The following ZC3H13 variants were observed in gnomAD, a reference collection of about 807,000 sequenced individuals.
ZC3H13 encodes the protein zinc finger CCCH domain-containing protein 13.
In ZC3H13, 64 loss-of-function variants were observed where a neutral mutation model predicts 204.1. That is an observed-to-expected ratio of 0.31 (90% CI 0.26 to 0.39). The LOEUF is 0.39. ZC3H13 is among the 10% of genes least tolerant of loss of function. ZC3H13 has a pLI of 1.00. For synonymous variants in ZC3H13, 667 were observed against 693.7 expected (o/e 0.96, Z 0.60); for missense variants, 1,833 against 2,082.7 (o/e 0.88, Z 2.33).
chr13:45,979,386 T>G (rs1037584296), intron 11 of ZC3H13, among the ~76,000 whole-genome samples: 7 of 149,096 alleles, frequency 4.7e-5, no homozygotes, highest in African/African-American at 1.3e-4. Context: ...TATCATTCAG[T>G]TTTTTTTTAC....
At position 46,044,950 on chromosome 13, in the gene ZC3H13, T is replaced by A. The variant is rs774372608; in HGVS notation, c.227+5A>T. The A allele has an allele frequency of 6.2e-7, 1 of 1,604,218 alleles. No homozygotes were observed. The highest frequency in any genetic ancestry group is 1.1e-5 in the South Asian group (1 of 89,560). On this transcript the variant is annotated splice_donor_5th_base_variant and intron_variant, in intron 3 of 18. Coordinates refer to ENST00000679008, the MANE Select transcript of ZC3H13 (RefSeq NM_001330564.2). The stretch of plus-strand genomic sequence containing the variant: ...TACATGAACAATACAAAGTTCTCAG[T>A]TTACCTTCTATAATTGCTGCTATAA...
intron 12 of ZC3H13, among the ~76,000 whole-genome samples, chr13:45,974,518 G>T (rs1318659180): frequency 6.6e-6 from 1 of 152,156 alleles, no homozygotes; most frequent in African/African-American, 2.4e-5. Context: ...GTTAAAAGGG[G>T]GTGAGGTGGG....
intron 9 of ZC3H13, among the ~76,000 whole-genome samples, chr13:45,986,135 C>T (rs1954169923): frequency 6.6e-6 from 1 of 152,216 alleles, no homozygotes; most frequent in Non-Finnish European, 1.5e-5. Flanking sequence ...TTAAGTTAGG[C>T]TAAACTAGAC....
chr13:45,995,484 C>T (rs151143496), intron 8 of ZC3H13, among the ~76,000 whole-genome samples: 1 of 152,292 alleles, frequency 6.6e-6, no homozygotes, highest in African/African-American at 2.4e-5. Context: ...ATTCTTAACA[C>T]AAGCCTTTCG....
Position 45,979,999 on chromosome 13 carries a change from G to A in ZC3H13, c.1726C>T (p.Arg576Ter), listed in dbSNP as rs1953411944. The A allele has an allele frequency of 1.9e-6, 3 of 1,593,348 alleles. No homozygotes were observed. Among genetic ancestry groups the A allele is most frequent in the Non-Finnish European group, 2.6e-6 (3 of 1,172,280 alleles). Residue 576 changes from arginine to a stop codon, truncating the protein, a stop_gained, in exon 11 of 19, where the codon CGA (arginine) becomes TGA (stop). Transcript: ENST00000679008. LOFTEE classifies it high-confidence loss of function. Reference sequence around the variant, plus strand: ...TCAATTTGAGAACCTCTTGAGCCTCGACTTCCTAAACAAAGGATAGACACA... The same window carrying A: ...TCAATTTGAGAACCTCTTGAGCCTCAACTTCCTAAACAAAGGATAGACACA... ...RVPELPEKGS[R>*]GSRGSQIDSH...
intron 5 of ZC3H13, among the ~76,000 whole-genome samples, chr13:46,012,630 GATTACTCATCTT>G (rs1362363365): frequency 6.6e-6 from 1 of 152,090 alleles, no homozygotes; most frequent in Non-Finnish European, 1.5e-5. Flanking sequence ...GACTAAGCTT[GATTACTCATCTT>G]ATGTTGGAGT....
At chr13:45,994,567 T>G (rs956332175) in intron 8 of ZC3H13, among the ~76,000 whole-genome samples, 1 of 152,224 alleles carries the variant, frequency 6.6e-6, no homozygotes, top group Non-Finnish European at 1.5e-5. Context: ...AACTAAAAGC[T>G]GTACCTACCA....
intron 12 of ZC3H13, among the ~76,000 whole-genome samples, chr13:45,972,344 A>G (rs1952656172): frequency 6.6e-6 from 1 of 152,114 alleles, no homozygotes; most frequent in South Asian, 2.1e-4. Flanking sequence ...GAAAAAAATA[A>G]TGTCTTTTGC....
At chr13:46,013,346 G>A (rs1449074323) in intron 5 of ZC3H13, among the ~76,000 whole-genome samples, 2 of 151,858 alleles carry the variant, frequency 1.3e-5, no homozygotes, top group African/African-American at 2.4e-5. Flanking sequence ...CCCGGGAGAC[G>A]GAGGTTGCAG....
intron 4 of ZC3H13, among the ~76,000 whole-genome samples, chr13:46,034,817 G>C (rs9534290): frequency 0.05 from 7,627 of 152,096 alleles, 274 homozygotes; most frequent in Middle Eastern, 0.11. Flanking sequence ...GGACATCTGG[G>C]CATAAAAATA....
chr13:46,010,136 C>T, intron 7 of ZC3H13: 1 of 368,468 alleles, frequency 2.7e-6, no homozygotes, highest in Non-Finnish European at 4.7e-6. Flanking sequence ...AAATAAAAAG[C>T]TCTGAAGCAT....
At chr13:45,998,968 T>C (rs1260257744) in intron 8 of ZC3H13, among the ~76,000 whole-genome samples, 1 of 152,202 alleles carries the variant, frequency 6.6e-6, no homozygotes, top group Admixed American at 6.5e-5. Flanking sequence ...CGGCTGGGCA[T>C]GGTGGCTCAA....
chr13:46,001,080 T>C (rs769939091), intron 8 of ZC3H13: 1 of 152,126 alleles, frequency 6.6e-6, no homozygotes, highest in Non-Finnish European at 1.5e-5. Context: ...CAATTACTGA[T>C]CACAGTCCAT....
chr13:46,016,431 T>C (rs192315160), intron 5 of ZC3H13, among the ~76,000 whole-genome samples: 6 of 152,238 alleles, frequency 3.9e-5, no homozygotes, highest in Admixed American at 2.0e-4. Context: ...ATATGTGAAA[T>C]AAAGTACAAT....
intron 4 of ZC3H13, among the ~76,000 whole-genome samples, chr13:46,027,787 A>G (rs1226104180): frequency 1.3e-5 from 2 of 152,206 alleles, no homozygotes; most frequent in Non-Finnish European, 2.9e-5. Context: ...TAGGGTAACC[A>G]CCAAAAAAAG....
rs200394717 is a variant in ZC3H13 at position 46,032,377 on chromosome 13, AAAC to A, written c.339+9784_339+9786del. 3.0e-3 allele frequency among the ~76,000 whole-genome samples: 450 copies of A among 148,300 alleles called. 2 individuals are homozygous for A. Among genetic ancestry groups the A allele is most frequent in the African/African-American group, 0.011 (431 of 40,740 alleles). On this transcript the variant is annotated intron_variant, in intron 4 of 18. Transcript: ENST00000679008. ...AGAAAAAGACCAAAAAAAAAAAAAA[AAAC>A]AGAGAAAATGGGCAGGGGATACAGT...
chr13:45,983,617 C>T (rs561980946), intron 10 of ZC3H13, among the ~76,000 whole-genome samples: 78 of 149,186 alleles, frequency 5.2e-4, no homozygotes, highest in Non-Finnish European at 1.1e-3. Flanking sequence ...TTAGTAGAGA[C>T]GGGGTTTCAC....
chr13:45,999,522 G>A (rs1396758613), intron 8 of ZC3H13, among the ~76,000 whole-genome samples: 1 of 152,186 alleles, frequency 6.6e-6, no homozygotes, highest in East Asian at 1.9e-4. Flanking sequence ...ATCTGAGATT[G>A]CAGCAATTCA....
chr13:45,975,560 G>C lies in ZC3H13; in HGVS notation c.2191C>G (p.Arg731Gly), dbSNP rs753563736. ...KERDRERDRD[R>G]DHDRERERER... ...CTTTCCCGCTCTCGATCGTGGTCTC[G>C]GTCTCTATCCCTTTCACGATCTCTC... The change falls in exon 12 of 19, where the codon CGA becomes GGA. Residue 731 changes from arginine (R) to glycine (G), a missense_variant. Coordinates refer to ENST00000679008, the MANE Select transcript of ZC3H13 (RefSeq NM_001330564.2). 9 of 1,580,356 alleles carry C rather than the reference G, an allele frequency of 5.7e-6. No individual in the cohort carries two copies. The highest frequency in any genetic ancestry group is 1.4e-5 in the African/African-American group (1 of 72,952).
Sources: gnomAD v4.1 joint callset for allele counts (sites outside exome capture counted in the v4.1 genomes callset) on GRCh38, gnomAD v4.1.1 for gene constraint, MANE v1.5 for transcripts, NCBI Gene and HGNC (gene_info 2026-07-23, HGNC 2026-07-21) for gene names.